Variants in ELF3 observed in about 807,000 individuals in gnomAD.
ELF3 encodes the protein E74 like ETS transcription factor 3.
In ELF3, 18 loss-of-function variants were observed where a neutral mutation model predicts 43.9. That is an observed-to-expected ratio of 0.41 (90% CI 0.28 to 0.61). ELF3 has a LOEUF of 0.61. ELF3 is among the 20% of genes least tolerant of loss of function. The probability of loss-of-function intolerance (pLI) is 0.30; values close to 1 mark genes in which losing one functional copy is unlikely to be tolerated. For missense variants in ELF3, 373 were observed against 487.7 expected (o/e 0.76, Z 2.21); for synonymous variants, 181 against 190.2 (o/e 0.95, Z 0.40).
At position 202,012,496 on chromosome 1, in the gene ELF3, C is replaced by G; in HGVS notation, c.478+60C>G. On this transcript the variant is annotated intron_variant, in intron 4 of 8. Coordinates refer to ENST00000367284, the MANE Select transcript of ELF3 (RefSeq NM_004433.5). This position sits in a 1 kb window ranked among gnomAD's most constrained non-coding sequence, Gnocchi z 4.2. ...GTCTTGTCCCATCCCTGCCCCTCCACAGAGTGCTAGAGATGACCCCCTCCC... is the reference window on the plus strand; with the variant it reads ...GTCTTGTCCCATCCCTGCCCCTCCAGAGAGTGCTAGAGATGACCCCCTCCC... 1 of 1,599,560 alleles carries G rather than the reference C, an allele frequency of 6.3e-7. No individual in the cohort carries two copies. The highest frequency in any genetic ancestry group is 1.3e-5 in the African/African-American group (1 of 74,472).
rs766167510 is a variant in ELF3 at position 202,013,971 on chromosome 1, C to A, written c.948C>A (p.Gly316=). 1 of 1,613,684 alleles carries A rather than the reference C, an allele frequency of 6.2e-7. No individual in the cohort carries two copies. The highest frequency in any genetic ancestry group is 8.5e-7 in the Non-Finnish European group (1 of 1,179,838). Residue 316 remains glycine, a synonymous_variant, in exon 8 of 9, where the codon GGC becomes GGA. Coordinates refer to ENST00000367284, the MANE Select transcript of ELF3 (RefSeq NM_004433.5). This position sits in a 1 kb window ranked among gnomAD's most constrained non-coding sequence, Gnocchi z 5.7. ...LRSEAVAQLW[G]QKKKNSNMTY... Reference sequence around the variant, plus strand: ...CCGAGGCTGTGGCCCAACTATGGGGCCAAAAGAAAAAGAACAGCAACATGA... The same window carrying A: ...CCGAGGCTGTGGCCCAACTATGGGGACAAAAGAAAAAGAACAGCAACATGA...
Position 202,015,310 on chromosome 1 carries a change from A to G in ELF3, c.1103A>G (p.Gln368Arg), listed in dbSNP as rs1402542887. ...GGCTGGAAGGAGGAAGAGGTTCTCCAGAGTCGGAACTGAGGGTTGGAACTA... is the reference window on the plus strand; with the variant it reads ...GGCTGGAAGGAGGAAGAGGTTCTCCGGAGTCGGAACTGAGGGTTGGAACTA... ...SSGWKEEEVL[Q>R]SRN is the part of the protein sequence containing the mutation. Residue 368 changes from glutamine to arginine, a missense_variant, in exon 9 of 9, where the codon CAG becomes CGG. Physicochemically the swap from Gln to Arg is conservative, Grantham distance 43. This residue lies in a region of ELF3 where 61 missense variants were observed against 115.9 expected (regional missense o/e 0.53). Coordinates refer to ENST00000367284, the MANE Select transcript of ELF3 (RefSeq NM_004433.5). 2 of 1,614,128 alleles carry G rather than the reference A, an allele frequency of 1.2e-6. No individual in the cohort carries two copies.
intron 8 of ELF3, 69 bp from the exon 9 acceptor site, chr1:202,015,140 G>GT: frequency 6.5e-7 from 1 of 1,549,412 alleles, no homozygotes; most frequent in South Asian, 1.1e-5. Flanking sequence ...CGCGGGCCAG[G>GT]TGGGCGGGCT....
Position 202,016,520 on chromosome 1 carries a change from G to GAAAAA in ELF3, c.*1208_*1212dup, listed in dbSNP as rs11303270. The GAAAAA allele has an allele frequency of 7.5e-6, 1 of 133,686 alleles. No homozygotes were observed. 8.3% of individuals were successfully genotyped at this position (133,686 alleles called of 1,614,324 possible). A position where few individuals can be genotyped will look rare whatever the true frequency, so the allele number is the denominator to read the frequency against. On this transcript the variant is annotated 3_prime_UTR_variant, in exon 9 of 9. Coordinates refer to ENST00000367284, the MANE Select transcript of ELF3 (RefSeq NM_004433.5). ...AAATCAGAGTTAGGATCTTGTAAAG[G>GAAAAA]AAAAAAAAAAAAAAACAAAACAAAA...
rs1188060824 is a variant in ELF3, at chr1:202,013,972, CA to C, written c.953del (p.Lys318ArgfsTer7). The C allele has an allele frequency of 6.2e-7, 1 of 1,613,516 alleles. No individual in the cohort carries two copies. On this transcript the variant is annotated frameshift_variant, in exon 8 of 9. Transcript: ENST00000367284. LOFTEE classifies it high-confidence loss of function. The surrounding 1 kb of genome is among the most constrained non-coding windows in gnomAD (Gnocchi z 5.7). ...CGAGGCTGTGGCCCAACTATGGGGC[CA>C]AAAGAAAAAGAACAGCAACATGACC... ...RSEAVAQLWG[Q>X]KKKNSNMTYE... is the part of the protein sequence containing the mutation.
chr1:202,011,647 G>A (rs887532203), intron 2 of ELF3: 26 of 464,354 alleles, frequency 5.6e-5, no homozygotes, highest in Admixed American at 1.2e-4. Flanking sequence ...TGAGCTGAGC[G>A]GATCACCTGA....
chr1:202,013,130 C>T lies in ELF3; in HGVS notation c.689-52C>T. On this transcript the variant is annotated intron_variant, in intron 6 of 8. Coordinates refer to ENST00000367284, the MANE Select transcript of ELF3 (RefSeq NM_004433.5). This position sits in a 1 kb window ranked among gnomAD's most constrained non-coding sequence, Gnocchi z 5.7. ...AGCCTTTTCCTGTAGAGGGGCTACT[C>T]TCCCTAACTCCCCTCTTGCCCCTCC... The T allele has an allele frequency of 6.2e-7, 1 of 1,606,512 alleles. No homozygotes were observed. Among genetic ancestry groups the T allele is most frequent in the Non-Finnish European group, 8.5e-7 (1 of 1,175,442 alleles).
Position 202,012,959 on chromosome 1 carries a change from C to T in ELF3, c.611C>T (p.Ser204Phe). The T allele has an allele frequency of 6.2e-7, 1 of 1,612,416 alleles. No individual in the cohort carries two copies. Among genetic ancestry groups the T allele is most frequent in the Non-Finnish European group, 8.5e-7 (1 of 1,179,120 alleles). ...SDVSTAGTGA[S>F]RSSHSSDSGG... Reference sequence around the variant, plus strand: ...CCCCGCCCCCCAGGGACTGGTGCTTCTCGGAGCTCCCACTCCTCAGACTCC... The same window carrying T: ...CCCCGCCCCCCAGGGACTGGTGCTTTTCGGAGCTCCCACTCCTCAGACTCC... The change falls in exon 6 of 9, where the codon TCT (serine) becomes TTT (phenylalanine). Residue 204 changes from serine (S) to phenylalanine (F), a missense_variant. By Grantham distance (155) the Ser-to-Phe change is radical. Around this residue, in one of 3 missense-constraint regions of ELF3, gnomAD observed 311 missense variants for 351.2 expected, o/e 0.89. Transcript: ENST00000367284. The surrounding 1 kb of genome is among the most constrained non-coding windows in gnomAD (Gnocchi z 4.2).
At position 202,010,952 on chromosome 1, in the gene ELF3, C is replaced by T. The variant is rs764687398; in HGVS notation, c.-8-177C>T. On this transcript the variant is annotated intron_variant, in intron 1 of 8. Coordinates refer to ENST00000367284, the MANE Select transcript of ELF3 (RefSeq NM_004433.5). The surrounding 1 kb of genome is among the most constrained non-coding windows in gnomAD (Gnocchi z 4.3). Reference sequence around the variant, plus strand: ...AGCCCAGCTGGAGGCTCCTGTGGTCCTGCCCTGGTCTGAGATCTTGGAGCC... The same window carrying T: ...AGCCCAGCTGGAGGCTCCTGTGGTCTTGCCCTGGTCTGAGATCTTGGAGCC... The T allele has an allele frequency of 1.2e-5, 8 of 644,056 alleles. No individual in the cohort carries two copies. Among genetic ancestry groups the T allele is most frequent in the Middle Eastern group, 4.3e-4 (1 of 2,346 alleles). 39.9% of individuals were successfully genotyped at this position (644,056 alleles called of 1,614,324 possible). A position where few individuals can be genotyped will look rare whatever the true frequency, so the allele number is the denominator to read the frequency against.
Position 202,013,163 on chromosome 1 carries a change from T to G in ELF3, c.689-19T>G. ...CTCCCCTCTTGCCCCTCCTTGACCT[T>G]CCACCACCGTCCCCACAGATGGTTT... On this transcript the variant is annotated intron_variant, in intron 6 of 8. Transcript: ENST00000367284. The surrounding 1 kb of genome is among the most constrained non-coding windows in gnomAD (Gnocchi z 5.7). 6.2e-7 allele frequency: 1 copy of G among 1,613,270 alleles called. No individual in the cohort carries two copies. The highest frequency in any genetic ancestry group is 8.5e-7 in the Non-Finnish European group (1 of 1,179,560).
chr1:202,012,893 G>C lies in ELF3; in HGVS notation c.599-54G>C. On this transcript the variant is annotated intron_variant, in intron 5 of 8. Coordinates refer to ENST00000367284, the MANE Select transcript of ELF3 (RefSeq NM_004433.5). This position sits in a 1 kb window ranked among gnomAD's most constrained non-coding sequence, Gnocchi z 4.2. ...GAAGTGTGTCCTGAGAGCCAGCAGC[G>C]TGGTTGAGCAGAGGGTGGGCCGGCA... 1 of 1,573,460 alleles carries C rather than the reference G, an allele frequency of 6.4e-7. No homozygotes were observed. The highest frequency in any genetic ancestry group is 1.2e-5 in the South Asian group (1 of 83,010).
In ELF3 at chr1:202,012,746, C is replaced by G. The variant is rs536186083; in HGVS notation, c.585C>G (p.Asp195Glu). 1 of 1,572,708 alleles carries G rather than the reference C, an allele frequency of 6.4e-7. No individual in the cohort carries two copies. Among genetic ancestry groups the G allele is most frequent in the Non-Finnish European group, 8.6e-7 (1 of 1,161,342 alleles). ...GAGCCCCCTCCCCTGGCAGCTCTGA[C>G]GTCTCCACCGCAGGTGAGAGCTCTC... ...GAGAPSPGSS[D>E]VSTAGTGASR... The change falls in exon 5 of 9, where the codon GAC becomes GAG. Residue 195 changes from aspartate to glutamate, a missense_variant. Around this residue, in one of 3 missense-constraint regions of ELF3, gnomAD observed 311 missense variants for 351.2 expected, o/e 0.89. Coordinates refer to ENST00000367284, the MANE Select transcript of ELF3 (RefSeq NM_004433.5). The surrounding 1 kb of genome is among the most constrained non-coding windows in gnomAD (Gnocchi z 4.2).
At chr1:202,011,478 G>A in intron 2 of ELF3, 179 bp downstream of exon 2, 1 of 730,524 alleles carries the variant, frequency 1.4e-6, no homozygotes, top group South Asian at 2.2e-5. Flanking sequence ...AGAGGGAGGT[G>A]TCAGATACCA....
At chr1:202,014,398 G>T (rs1684273051) in intron 8 of ELF3, among the ~76,000 whole-genome samples, 1 of 152,132 alleles carries the variant, frequency 6.6e-6, no homozygotes, top group African/African-American at 2.4e-5. Flanking sequence ...CTGTGTCCAG[G>T]AGTACACTAG....
In ELF3 at chr1:202,012,053, C is replaced by A; in HGVS notation, c.260C>A (p.Ala87Glu). Residue 87 changes from alanine (A) to glutamate (E), a missense_variant, in exon 3 of 9, where the codon GCA becomes GAA. Coordinates refer to ENST00000367284, the MANE Select transcript of ELF3 (RefSeq NM_004433.5). This position sits in a 1 kb window ranked among gnomAD's most constrained non-coding sequence, Gnocchi z 4.2. ...CAAGTGGAGAAGAACAAGTACGACGCAAGCGCCATTGACTTCTCACGATGT... is the reference window on the plus strand; with the variant it reads ...CAAGTGGAGAAGAACAAGTACGACGAAAGCGCCATTGACTTCTCACGATGT... The part of the protein sequence containing the change: ...SYQVEKNKYD[A>E]SAIDFSRCDM... The A allele has an allele frequency of 6.2e-7, 1 of 1,614,212 alleles. No homozygotes were observed. Among genetic ancestry groups the A allele is most frequent in the Non-Finnish European group, 8.5e-7 (1 of 1,180,036 alleles).
In ELF3 at chr1:202,010,940, G is replaced by A. The variant is rs892695305; in HGVS notation, c.-8-189G>A. 19 of 589,736 alleles carry A rather than the reference G, an allele frequency of 3.2e-5. No individual in the cohort carries two copies. The highest frequency in any genetic ancestry group is 4.9e-5 in the Non-Finnish European group (17 of 345,280). 36.5% of individuals were successfully genotyped at this position (589,736 alleles called of 1,614,324 possible). A position where few individuals can be genotyped will look rare whatever the true frequency, so the allele number is the denominator to read the frequency against. ...TCTGAGGAGGGAAGCCCAGCTGGAG[G>A]CTCCTGTGGTCCTGCCCTGGTCTGA... On this transcript the variant is annotated intron_variant, in intron 1 of 8. Coordinates refer to ENST00000367284, the MANE Select transcript of ELF3 (RefSeq NM_004433.5). The surrounding 1 kb of genome is among the most constrained non-coding windows in gnomAD (Gnocchi z 4.3).
Position 202,012,801 on chromosome 1 carries a change from GTC to G in ELF3, c.598+43_598+44del. 1 of 1,537,352 alleles carries G rather than the reference GTC, an allele frequency of 6.5e-7. No individual in the cohort carries two copies. ...GGCCACAACCTCCCTTCCCCGAAGT[GTC>G]CCTTGTTCCCTCTGGCTCCCAGCAC... On this transcript the variant is annotated intron_variant, in intron 5 of 8. Coordinates refer to ENST00000367284, the MANE Select transcript of ELF3 (RefSeq NM_004433.5). This position sits in a 1 kb window ranked among gnomAD's most constrained non-coding sequence, Gnocchi z 4.2.
chr1:202,015,004 G>A (rs1289465841), intron 8 of ELF3: 19 of 546,930 alleles, frequency 3.5e-5, no homozygotes, highest in African/African-American at 2.7e-4. Flanking sequence ...TCCTGGGCAC[G>A]GTTACAGGCC....
chr1:202,011,084 C>A (rs2102991026), intron 1 of ELF3, 45 bp from the exon 2 acceptor site: 14 of 1,604,500 alleles, frequency 8.7e-6, no homozygotes, highest in Non-Finnish European at 1.1e-5. Flanking sequence ...AAGGAGAGGA[C>A]CCTCGTCCCC....
Sources: gnomAD v4.1 joint callset for allele counts (sites outside exome capture counted in the v4.1 genomes callset) on GRCh38, gnomAD v4.1.1 for gene constraint, gnomAD v4.1.1 regional missense constraint, Gnocchi (gnomAD v3.1) non-coding constraint, MANE v1.5 for transcripts, NCBI Gene and HGNC (gene_info 2026-07-23, HGNC 2026-07-21) for gene names.